The following PLA2G4A variants were observed in gnomAD, a reference collection of about 807,000 sequenced individuals.
PLA2G4A encodes phospholipase A2 group IVA, also known as cytosolic phospholipase A2.
A neutral mutation model predicts 81.9 loss-of-function variants in PLA2G4A; 40 were observed. The ratio of observed to expected loss-of-function variants is 0.49; its 90% CI spans 0.38 to 0.64. PLA2G4A has a LOEUF of 0.64. Among genes scored for constraint, PLA2G4A ranks in the 30% least tolerant of loss-of-function variants. The pLI is 0.00. For synonymous variants in PLA2G4A, 302 were observed against 296.9 expected (o/e 1.02, Z -0.18); for missense variants, 715 against 905.1 (o/e 0.79, Z 2.69).
intron 3 of PLA2G4A, among the ~76,000 whole-genome samples, chr1:186,884,483 A>G (rs184503906): frequency 6.6e-6 from 1 of 152,242 alleles, no homozygotes; most frequent in Admixed American, 6.5e-5. Flanking sequence ...TTTTCCTAAG[A>G]ACAACTTAGG....
intron 15 of PLA2G4A, among the ~76,000 whole-genome samples, chr1:186,973,819 G>A (rs576957092): frequency 1.3e-5 from 2 of 152,184 alleles, no homozygotes; most frequent in South Asian, 4.2e-4. Context: ...ATTCTAACTT[G>A]TAGTTTCTAT....
chr1:186,970,925 T>G (rs923255754), intron 15 of PLA2G4A, among the ~76,000 whole-genome samples: 2 of 152,002 alleles, frequency 1.3e-5, no homozygotes, highest in African/African-American at 4.8e-5. Flanking sequence ...TTAGGATTTT[T>G]TTTTTCTATT....
At chr1:186,855,681 G>A (rs111575118) in intron 2 of PLA2G4A, among the ~76,000 whole-genome samples, 5 of 152,112 alleles carry the variant, frequency 3.3e-5, no homozygotes, top group African/African-American at 1.2e-4. Context: ...GTTGTGAGTA[G>A]CACACTTCCA....
At chr1:186,894,241 C>A (rs764562155) in intron 5 of PLA2G4A, 30 bp downstream of exon 5, 4 of 812,720 alleles carry the variant, frequency 4.9e-6, no homozygotes, top group Admixed American at 1.8e-5. Flanking sequence ...TATATTCCAA[C>A]CTTATGTTAG....
chr1:186,857,320 TATA>T (rs1652616219), intron 2 of PLA2G4A, among the ~76,000 whole-genome samples: 1 of 122,512 alleles, frequency 8.2e-6, no homozygotes, highest in African/African-American at 3.1e-5. Flanking sequence ...TTATATGTAA[TATA>T]ATATAAATAT....
Position 186,906,991 on chromosome 1 carries a change from T to C in PLA2G4A, c.405T>C (p.Ser135=), listed in dbSNP as rs1427178371. The C allele has an allele frequency of 1.3e-6, 2 of 1,508,468 alleles. No homozygotes were observed. The highest frequency in any genetic ancestry group is 4.5e-5 in the East Asian group (2 of 44,260). 93.4% of individuals were successfully genotyped at this position (1,508,468 alleles called of 1,614,324 possible). Residue 135 remains serine (S), a synonymous_variant, in exon 6 of 18, where the codon TCT becomes TCC. Coordinates refer to ENST00000367466, the MANE Select transcript of PLA2G4A (RefSeq NM_024420.3). ...NQVTEMVLEM[S]LEVCSCPDLR... is the part of the protein sequence containing the mutation. ...TCACTGAAATGGTTCTAGAAATGTC[T>C]CTTGAAGTTTGGTAAGTGCATTTAT...
intron 7 of PLA2G4A, among the ~76,000 whole-genome samples, chr1:186,914,566 G>C (rs972644717): frequency 3.3e-5 from 5 of 151,876 alleles, no homozygotes; most frequent in African/African-American, 1.2e-4. Flanking sequence ...TGAGCAAGCA[G>C]GGGGTACATG....
intron 1 of PLA2G4A, among the ~76,000 whole-genome samples, chr1:186,837,247 G>A (rs969398481): frequency 2.6e-5 from 4 of 152,118 alleles, no homozygotes; most frequent in Non-Finnish European, 5.9e-5. Context: ...GAAGGAAGAA[G>A]GAATTTACAA....
At chr1:186,968,386 T>G (rs1657207125) in intron 15 of PLA2G4A, among the ~76,000 whole-genome samples, 1 of 64,166 alleles carries the variant, frequency 1.6e-5, no homozygotes, top group Non-Finnish European at 3.2e-5. Flanking sequence ...TTCTAGTCTC[T>G]TTTCGCGGTG....
At chr1:186,902,950 C>T (rs923158245) in intron 5 of PLA2G4A, among the ~76,000 whole-genome samples, 2 of 150,590 alleles carry the variant, frequency 1.3e-5, no homozygotes, top group African/African-American at 4.9e-5. Flanking sequence ...AACTTTTAAA[C>T]ATGCAGAATT....
intron 7 of PLA2G4A, among the ~76,000 whole-genome samples, chr1:186,921,610 C>T (rs957975487): frequency 1.3e-5 from 2 of 152,088 alleles, no homozygotes; most frequent in African/African-American, 4.8e-5. Context: ...TCTGTCTACT[C>T]TGTGTGATCT....
intron 10 of PLA2G4A, among the ~76,000 whole-genome samples, chr1:186,945,819 A>G (rs945662393): frequency 9.2e-5 from 14 of 152,200 alleles, no homozygotes; most frequent in African/African-American, 3.4e-4. Context: ...AGTCGTAGCC[A>G]TGGGAATACA....
chr1:186,981,226 G>GA (rs1195153931), intron 17 of PLA2G4A, among the ~76,000 whole-genome samples: 1 of 152,096 alleles, frequency 6.6e-6, no homozygotes, highest in African/African-American at 2.4e-5. Flanking sequence ...TTCTCAAATG[G>GA]AAAAAACAGA....
chr1:186,905,115 A>G (rs1408313102), intron 5 of PLA2G4A, among the ~76,000 whole-genome samples: 1 of 152,186 alleles, frequency 6.6e-6, no homozygotes, highest in Non-Finnish European at 1.5e-5. Flanking sequence ...TTGGTCTCCC[A>G]AAGTGCTGGG....
intron 7 of PLA2G4A, among the ~76,000 whole-genome samples, chr1:186,915,808 T>C (rs773022005): frequency 2.6e-5 from 4 of 152,204 alleles, no homozygotes; most frequent in Non-Finnish European, 5.9e-5. Context: ...GGTACCATTA[T>C]ACAGTTTCTG....
At chr1:186,842,234 G>A (rs1476039648) in intron 1 of PLA2G4A, among the ~76,000 whole-genome samples, 1 of 151,876 alleles carries the variant, frequency 6.6e-6, no homozygotes, top group Admixed American at 6.6e-5. Flanking sequence ...GTAGAGACAG[G>A]GTTTCACAGT....
At chr1:186,967,825 A>G (rs537620575) in intron 15 of PLA2G4A, among the ~76,000 whole-genome samples, 1 of 152,076 alleles carries the variant, frequency 6.6e-6, no homozygotes, top group Non-Finnish European at 1.5e-5. Flanking sequence ...AAGACAGGAC[A>G]ATAGGAAATG....
At chr1:186,905,090 G>A (rs986264866) in intron 5 of PLA2G4A, among the ~76,000 whole-genome samples, 14 of 152,150 alleles carry the variant, frequency 9.2e-5, no homozygotes, top group African/African-American at 3.1e-4. Flanking sequence ...CCTGACATCA[G>A]GTGATCCACC....
chr1:186,881,483 C>T (rs962143522), intron 3 of PLA2G4A, among the ~76,000 whole-genome samples: 1 of 151,982 alleles, frequency 6.6e-6, no homozygotes, highest in Non-Finnish European at 1.5e-5. Flanking sequence ...CCCAGCAATT[C>T]CCAGGAATTG....
Sources: allele counts gnomAD v4.1 joint callset (sites outside exome capture counted in the v4.1 genomes callset), GRCh38; gene constraint gnomAD v4.1.1; transcripts MANE v1.5; gene names NCBI Gene and HGNC (gene_info 2026-07-23, HGNC 2026-07-21).